Variants in SHANK2 observed in about 807,000 individuals in gnomAD.
The protein encoded by SHANK2 is SH3 and multiple ankyrin repeat domains protein 2.
SHANK2 carries 43 observed loss-of-function variants against 133.7 expected under a neutral mutation model. The observed-to-expected ratio is 0.32, with a 90% CI of 0.25 to 0.41. The LOEUF (loss-of-function observed/expected upper bound fraction) is 0.41, where lower values mean the gene tolerates loss of function less well. Ranked by LOEUF, SHANK2 falls within the 10% of genes least tolerant of loss-of-function variation. SHANK2 has a pLI of 1.00. For synonymous variants in SHANK2, 1,017 were observed against 952.8 expected (o/e 1.07, Z -1.24); for missense variants, 1,994 against 2,235.8 (o/e 0.89, Z 2.18).
intron 11 of SHANK2, among the ~76,000 whole-genome samples, chr11:70,888,638 G>A (rs1425285706): frequency 2.0e-5 from 3 of 151,984 alleles, no homozygotes; most frequent in African/African-American, 7.3e-5. Flanking sequence ...CCAACATGGT[G>A]AAACCCCATC....
intron 4 of SHANK2, among the ~76,000 whole-genome samples, chr11:71,115,671 C>T (rs781849022): frequency 2.0e-5 from 3 of 152,076 alleles, no homozygotes; most frequent in East Asian, 1.9e-4. Flanking sequence ...AATGGGAATC[C>T]GGGGCTGAGA....
chr11:70,697,921 T>C (rs1470254344), intron 15 of SHANK2, among the ~76,000 whole-genome samples: 1 of 152,184 alleles, frequency 6.6e-6, no homozygotes, highest in African/African-American at 2.4e-5. Flanking sequence ...CTGGCCCTTG[T>C]TGAGCTTCAA....
intron 14 of SHANK2, among the ~76,000 whole-genome samples, chr11:70,729,412 A>G (rs543570771): frequency 6.6e-6 from 1 of 152,090 alleles, no homozygotes; most frequent in Non-Finnish European, 1.5e-5. Context: ...TAACTGCTTC[A>G]TGGGCACGGG....
chr11:71,220,338 T>C (rs890379019), intron 2 of SHANK2, among the ~76,000 whole-genome samples: 2 of 152,084 alleles, frequency 1.3e-5, no homozygotes, highest in East Asian at 1.9e-4. Context: ...GAATGTAAAA[T>C]AGTATAACCG....
chr11:71,069,076 C>T (rs1951107208), intron 9 of SHANK2, among the ~76,000 whole-genome samples: 2 of 151,600 alleles, frequency 1.3e-5, no homozygotes, highest in Admixed American at 6.6e-5. Flanking sequence ...ACCATCACCA[C>T]CACCACCACC....
chr11:71,211,049 G>A (rs1266108987), intron 2 of SHANK2, among the ~76,000 whole-genome samples: 3 of 152,028 alleles, frequency 2.0e-5, no homozygotes, highest in South Asian at 2.1e-4. Flanking sequence ...GGTCCCCCAG[G>A]GCTGCTGCAG....
intron 2 of SHANK2, among the ~76,000 whole-genome samples, chr11:71,186,348 C>T (rs1172543951): frequency 1.3e-5 from 2 of 152,318 alleles, no homozygotes; most frequent in African/African-American, 4.8e-5. Flanking sequence ...ACACATTGAA[C>T]AGTTTGGACC....
intron 11 of SHANK2, among the ~76,000 whole-genome samples, chr11:70,888,739 C>T (rs1052485852): frequency 2.0e-4 from 31 of 152,114 alleles, no homozygotes; most frequent in Admixed American, 2.0e-3. Flanking sequence ...ATCGCTTGAA[C>T]CTGGGAGGTG....
chr11:70,789,418 C>T (rs368845413), intron 14 of SHANK2, among the ~76,000 whole-genome samples: 1 of 152,168 alleles, frequency 6.6e-6, no homozygotes, highest in South Asian at 2.1e-4. Flanking sequence ...TTCTTAAATG[C>T]AGACTTACCC....
intron 17 of SHANK2, among the ~76,000 whole-genome samples, chr11:70,652,219 G>A (rs1345093368): frequency 6.6e-6 from 1 of 152,240 alleles, no homozygotes; most frequent in Non-Finnish European, 1.5e-5. Context: ...AGATATGCCT[G>A]CCAGGGACTT....
intron 17 of SHANK2, among the ~76,000 whole-genome samples, chr11:70,520,750 T>C (rs1302806558): frequency 6.6e-6 from 1 of 152,232 alleles, no homozygotes; most frequent in Admixed American, 6.5e-5. Context: ...CCTTTATCTT[T>C]CAGTTGTTTA....
At chr11:71,117,356 G>A (rs781935176) in intron 4 of SHANK2, among the ~76,000 whole-genome samples, 5 of 152,190 alleles carry the variant, frequency 3.3e-5, no homozygotes, top group African/African-American at 7.2e-5. Flanking sequence ...ACAGACTATC[G>A]CGAGGAATAT....
At chr11:71,074,484 T>A (rs1400768905) in intron 9 of SHANK2, among the ~76,000 whole-genome samples, 1 of 152,162 alleles carries the variant, frequency 6.6e-6, no homozygotes, top group Non-Finnish European at 1.5e-5. Context: ...GGGCTTTACG[T>A]GTTTTTTTAA....
chr11:71,203,233 C>T (rs185443132), intron 2 of SHANK2, among the ~76,000 whole-genome samples: 1 of 152,290 alleles, frequency 6.6e-6, no homozygotes, highest in South Asian at 2.1e-4. Context: ...GGCAGCGAAC[C>T]TTTGCCAAGA....
At chr11:71,103,315 A>C (rs1951748680) in intron 6 of SHANK2, among the ~76,000 whole-genome samples, 1 of 152,168 alleles carries the variant, frequency 6.6e-6, no homozygotes, top group African/African-American at 2.4e-5. Flanking sequence ...AATAGACTGC[A>C]GCTATCACTC....
At chr11:70,538,595 C>T (rs540684040) in intron 17 of SHANK2, among the ~76,000 whole-genome samples, 6 of 152,336 alleles carry the variant, frequency 3.9e-5, no homozygotes, top group Admixed American at 6.5e-5. Context: ...AGCAGGATAA[C>T]GTGGGGCTAA....
intron 1 of SHANK2, among the ~76,000 whole-genome samples, chr11:71,225,229 G>A (rs1480200948): frequency 6.6e-6 from 1 of 152,196 alleles, no homozygotes; most frequent in Non-Finnish European, 1.5e-5. Flanking sequence ...GTCTACTCCA[G>A]CCAGACACTG....
chr11:71,155,971 G>A (rs1249606804), intron 2 of SHANK2, among the ~76,000 whole-genome samples: 5 of 152,230 alleles, frequency 3.3e-5, no homozygotes, highest in African/African-American at 1.2e-4. Context: ...CCTAATGCAA[G>A]GCTGGTGTCT....
At chr11:70,704,629 G>A (rs905536118) in intron 14 of SHANK2, among the ~76,000 whole-genome samples, 3 of 130,040 alleles carry the variant, frequency 2.3e-5, no homozygotes, top group East Asian at 2.1e-4. Context: ...TTAGAGATGC[G>A]ATGGAAGGAC....
Sources: gnomAD v4.1 joint callset for allele counts (sites outside exome capture counted in the v4.1 genomes callset) on GRCh38, gnomAD v4.1.1 for gene constraint, MANE v1.5 for transcripts, NCBI Gene and HGNC (gene_info 2026-07-23, HGNC 2026-07-21) for gene names.